VPS26A: variants seen among roughly 807,000 people sequenced by gnomAD.
VPS26A encodes VPS26 retromer complex component A, also known as vacuolar protein sorting-associated protein 26A.
VPS26A carries 22 observed loss-of-function variants against 42.4 expected under a neutral mutation model. That is an observed-to-expected ratio of 0.52 (90% CI 0.37 to 0.74). The LOEUF is 0.74. Ranked by LOEUF, VPS26A falls within the 30% of genes least tolerant of loss-of-function variation. The probability of loss-of-function intolerance (pLI) is 0.00; values close to 1 mark genes in which losing one functional copy is unlikely to be tolerated. For missense variants in VPS26A, 276 were observed against 379.2 expected, an observed-to-expected ratio of 0.73 and a Z score of 2.26; for synonymous variants, 110 against 123.5, an observed-to-expected ratio of 0.89 and a Z score of 0.73.
At chr10:69,168,429 C>T in intron 7 of VPS26A, 60 bp from the exon 8 acceptor site, 3 of 1,554,560 alleles carry the variant, frequency 1.9e-6, no homozygotes, top group East Asian at 2.2e-5. Context: ...CTTAGTCCTA[C>T]CTGTTATGTG....
Position 69,163,305 on chromosome 10 carries a change from G to A in VPS26A, c.658+793G>A, listed in dbSNP as rs567744360. On this transcript the variant is annotated intron_variant, in intron 6 of 8. Coordinates refer to ENST00000263559, the MANE Select transcript of VPS26A (RefSeq NM_004896.5). ...ATAATTCTTCTGCCCTTTTTGTGGC[G>A]AACAGGGTCTCACTATGTTGCCCAG... Among the ~76,000 whole-genome samples the A allele has an allele frequency of 3.3e-5, 5 of 152,192 alleles. No individual in the cohort carries two copies. In the South Asian group the frequency reaches 6.2e-4, roughly 19 times the overall value.
intron 2 of VPS26A, among the ~76,000 whole-genome samples, chr10:69,144,837 C>T (rs947431123): frequency 6.6e-6 from 1 of 151,530 alleles, no homozygotes; most frequent in Non-Finnish European, 1.5e-5. Context: ...AATATCTTCT[C>T]CTAATTTCTG....
intron 2 of VPS26A, among the ~76,000 whole-genome samples, chr10:69,134,380 A>C (rs1840858478): frequency 6.6e-6 from 1 of 152,152 alleles, no homozygotes; most frequent in African/African-American, 2.4e-5. Context: ...ATTTTTCTCT[A>C]AATTTCTGTA....
Position 69,171,310 on chromosome 10 carries a change from A to G in VPS26A, c.*41A>G, listed in dbSNP as rs755485643. On this transcript the variant is annotated 3_prime_UTR_variant, in exon 9 of 9. Coordinates refer to ENST00000263559, the MANE Select transcript of VPS26A (RefSeq NM_004896.5). Reference sequence around the variant, plus strand: ...AAAAGAAAAGCAAAAAACTCCTGTAACCCTTGAGATTAAGTTCAGCAGGTT... The same window carrying G: ...AAAAGAAAAGCAAAAAACTCCTGTAGCCCTTGAGATTAAGTTCAGCAGGTT... 23 of 1,567,510 alleles carry G rather than the reference A, an allele frequency of 1.5e-5. 1 individual carries two copies. The South Asian group carries it at 2.2e-4, about 15-fold the overall frequency.
chr10:69,143,716 A>G (rs1841093951), intron 2 of VPS26A, among the ~76,000 whole-genome samples: 1 of 151,956 alleles, frequency 6.6e-6, no homozygotes, highest in Non-Finnish European at 1.5e-5. Context: ...TTAGTTTTCA[A>G]ATTAAATTTA....
intron 1 of VPS26A, among the ~76,000 whole-genome samples, chr10:69,126,096 C>T (rs1276915694): frequency 6.6e-6 from 1 of 152,080 alleles, no homozygotes; most frequent in Non-Finnish European, 1.5e-5. Flanking sequence ...ATAGTTAATC[C>T]TGAAAATCGC....
intron 2 of VPS26A, among the ~76,000 whole-genome samples, chr10:69,133,943 T>C (rs1457167514): frequency 1.3e-5 from 2 of 152,112 alleles, no homozygotes; most frequent in Non-Finnish European, 2.9e-5. Flanking sequence ...CACGTAGGCC[T>C]ACAAAAGTGC....
chr10:69,158,032 C>G lies in VPS26A; in HGVS notation c.387-15C>G. ...ACAGGTGATTTAACTCATCGACTCT[C>G]TTTTAACTTTGTAGGTATTTTCTTA... On this transcript the variant is annotated splice_polypyrimidine_tract_variant and intron_variant, in intron 4 of 8. Coordinates refer to ENST00000263559, the MANE Select transcript of VPS26A (RefSeq NM_004896.5). 1.9e-6 allele frequency: 3 copies of G among 1,582,850 alleles called. No individual in the cohort carries two copies. Among genetic ancestry groups the G allele is most frequent in the Non-Finnish European group, 2.6e-6 (3 of 1,167,880 alleles).
At chr10:69,148,851 G>A (rs541487754) in intron 2 of VPS26A, among the ~76,000 whole-genome samples, 73 of 151,022 alleles carry the variant, frequency 4.8e-4, no homozygotes, top group Admixed American at 1.2e-3. Context: ...TGCCTCCCAG[G>A]TTCACTCCAT....
At chr10:69,125,740 G>A (rs1342797392) in intron 1 of VPS26A, among the ~76,000 whole-genome samples, 1 of 152,192 alleles carries the variant, frequency 6.6e-6, no homozygotes, top group African/African-American at 2.4e-5. Flanking sequence ...AAAATTTGCT[G>A]TTTCATTGCT....
rs1274927030 is a variant in VPS26A, at chr10:69,173,799, G to C, written c.*2530G>C. On this transcript the variant is annotated 3_prime_UTR_variant, in exon 9 of 9. Coordinates refer to ENST00000263559, the MANE Select transcript of VPS26A (RefSeq NM_004896.5). The stretch of plus-strand genomic sequence containing the variant: ...CAGATCACCTGAGTTCCAGGAGTTC[G>C]AGACCAGCCTGACCAACGTGGAGAA... Among the ~76,000 whole-genome samples the C allele has an allele frequency of 1.3e-5, 2 of 152,148 alleles. No homozygotes were observed. Among genetic ancestry groups the C allele is most frequent in the Non-Finnish European group, 2.9e-5 (2 of 68,026 alleles).
At chr10:69,124,407 GC>G (rs1042990174) in intron 1 of VPS26A, 127 bp downstream of exon 1, 2 of 1,045,798 alleles carry the variant, frequency 1.9e-6, no homozygotes, top group African/African-American at 3.3e-5. Context: ...GCGGGGTTAG[GC>G]CTGTCGGGCC....
Position 69,174,034 on chromosome 10 carries a change from C to T in VPS26A, c.*2765C>T, listed in dbSNP as rs545969597. ...AATGGACCAATCAGCAGGACGTGGG[C>T]GGGGACAAATAAGAGAATAAAAGCT... On this transcript the variant is annotated 3_prime_UTR_variant, in exon 9 of 9. Transcript: ENST00000263559. Among the ~76,000 whole-genome samples, 5 of 152,266 alleles carry T rather than the reference C, an allele frequency of 3.3e-5. No homozygotes were observed. Among genetic ancestry groups the T allele is most frequent in the Middle Eastern group, 3.4e-3 (1 of 294 alleles).
At chr10:69,157,971 G>A in intron 4 of VPS26A, 76 bp from the exon 5 acceptor site, 2 of 1,323,594 alleles carry the variant, frequency 1.5e-6, no homozygotes, top group African/African-American at 1.5e-5. Flanking sequence ...CTGAGTTGCA[G>A]TTAATGTTTG....
intron 1 of VPS26A, among the ~76,000 whole-genome samples, chr10:69,130,573 G>A (rs1840752820): frequency 1.3e-5 from 2 of 152,122 alleles, no homozygotes; most frequent in African/African-American, 2.4e-5. Context: ...AAATAACTAT[G>A]AAAAAGTACA....
intron 2 of VPS26A, among the ~76,000 whole-genome samples, chr10:69,144,510 C>G (rs936381363): frequency 3.3e-5 from 5 of 152,148 alleles, no homozygotes; most frequent in African/African-American, 1.2e-4. Flanking sequence ...TCTAGAATGT[C>G]ATGTAGTTGG....
At chr10:69,161,261 A>G (rs775728876) in intron 5 of VPS26A, among the ~76,000 whole-genome samples, 6 of 151,966 alleles carry the variant, frequency 3.9e-5, no homozygotes, top group Non-Finnish European at 5.9e-5. Flanking sequence ...ACATCCCCCT[A>G]TGTTGCCTAG....
At chr10:69,170,834 C>T (rs1211322996) in intron 8 of VPS26A, among the ~76,000 whole-genome samples, 1 of 152,136 alleles carries the variant, frequency 6.6e-6, no homozygotes, top group Non-Finnish European at 1.5e-5. Flanking sequence ...GTTTTAATAT[C>T]TAAGTGACAA....
chr10:69,141,825 T>C (rs1241994087), intron 2 of VPS26A, among the ~76,000 whole-genome samples: 6 of 152,216 alleles, frequency 3.9e-5, no homozygotes, highest in African/African-American at 1.4e-4. Context: ...AATAACAATA[T>C]TTACTGAGTA....
Sources: gnomAD v4.1 joint callset for allele counts (sites outside exome capture counted in the v4.1 genomes callset) on GRCh38, gnomAD v4.1.1 for gene constraint, MANE v1.5 for transcripts, NCBI Gene and HGNC (gene_info 2026-07-23, HGNC 2026-07-21) for gene names.